ESF1: variants seen among roughly 807,000 people sequenced by gnomAD.
The protein encoded by ESF1 is ESF1 nucleolar pre-rRNA processing protein.
Under a neutral mutation model 92.0 loss-of-function variants are expected in ESF1, and 58 were observed. That is an observed-to-expected ratio of 0.63 (90% CI 0.51 to 0.78). ESF1 has a LOEUF of 0.78. ESF1 is among the 30% of genes least tolerant of loss of function. ESF1 has a pLI of 0.00. For missense variants in ESF1, 922 were observed against 989.1 expected (o/e 0.93, Z 0.91); for synonymous variants, 321 against 313.7 (o/e 1.02, Z -0.24).
At position 13,717,352 on chromosome 20, in the gene ESF1, T is replaced by C; in HGVS notation, c.2262+16A>G. On this transcript the variant is annotated intron_variant, in intron 13 of 13. Coordinates refer to ENST00000617257, the MANE Select transcript of ESF1 (RefSeq NM_001276380.2). ...AATTCCAGCTTTAAGAGGCTATGCC[T>C]GGTGTCTATGGTTACCTCAAAGTCA... is the stretch of plus-strand genomic sequence containing the variant. 3 of 1,613,218 alleles carry C rather than the reference T, an allele frequency of 1.9e-6. No individual in the cohort carries two copies. The highest frequency in any genetic ancestry group is 2.5e-6 in the Non-Finnish European group (3 of 1,179,508).
intron 9 of ESF1, among the ~76,000 whole-genome samples, chr20:13,751,322 A>C (rs1460400216): frequency 1.5e-4 from 23 of 152,246 alleles, no homozygotes; most frequent in Admixed American, 1.5e-3. Context: ...CTTCAAACAA[A>C]TCAGCATAGC....
In ESF1 at chr20:13,782,754, A is replaced by G. The variant is rs754201798; in HGVS notation, c.387T>C (p.Thr129=). The change falls in exon 2 of 14, where the codon ACT becomes ACC. Residue 129 remains threonine, a synonymous_variant. Coordinates refer to ENST00000617257, the MANE Select transcript of ESF1 (RefSeq NM_001276380.2). ...TAATTCCTATAGAATTATCTAAATC[A>G]GTTTTATTTTCAGAACCCTTGTGAT... The part of the protein sequence containing the change: ...KANHKGSENK[T]DLDNSIGIKK... 1.9e-6 allele frequency: 3 copies of G among 1,595,540 alleles called. No homozygotes were observed. In the African/African-American group the frequency reaches 4.1e-5, roughly 22 times the overall value.
At chr20:13,726,545 C>T (rs1166528580) in intron 11 of ESF1, among the ~76,000 whole-genome samples, 5 of 152,178 alleles carry the variant, frequency 3.3e-5, no homozygotes, top group African/African-American at 1.2e-4. Flanking sequence ...ATGTAAACTC[C>T]CATATCTCCT....
At chr20:13,743,846 C>T (rs2050030997) in intron 9 of ESF1, among the ~76,000 whole-genome samples, 1 of 152,128 alleles carries the variant, frequency 6.6e-6, no homozygotes, top group Admixed American at 6.5e-5. Context: ...AATCATTACA[C>T]AATGAATATG....
intron 11 of ESF1, among the ~76,000 whole-genome samples, chr20:13,727,659 A>G (rs1471072982): frequency 1.3e-5 from 2 of 152,132 alleles, no homozygotes; most frequent in Admixed American, 1.3e-4. Context: ...TACCAAACAC[A>G]TTTACACATA....
intron 2 of ESF1, among the ~76,000 whole-genome samples, chr20:13,778,544 T>G (rs939248256): frequency 5.9e-5 from 9 of 152,134 alleles, no homozygotes; most frequent in African/African-American, 2.2e-4. Flanking sequence ...ATAGGGTAAT[T>G]ACATTGTTTT....
At chr20:13,756,779 A>C (rs1257368738) in intron 9 of ESF1, among the ~76,000 whole-genome samples, 1 of 152,218 alleles carries the variant, frequency 6.6e-6, no homozygotes, top group Non-Finnish European at 1.5e-5. Flanking sequence ...GCTAGGCATC[A>C]GCTTCTCATT....
Position 13,714,857 on chromosome 20 carries a change from A to G in ESF1, c.*17T>C. The G allele has an allele frequency of 6.3e-7, 1 of 1,577,128 alleles. No individual in the cohort carries two copies. The highest frequency in any genetic ancestry group is 8.6e-7 in the Non-Finnish European group (1 of 1,164,798). On this transcript the variant is annotated 3_prime_UTR_variant, in exon 14 of 14. Coordinates refer to ENST00000617257, the MANE Select transcript of ESF1 (RefSeq NM_001276380.2). ...TTAGGAAAAGATGTATTCAGTTCAA[A>G]AATAAGTAACATCCAGTTATTTGAC...
chr20:13,763,489 T>C (rs149134510), intron 8 of ESF1, among the ~76,000 whole-genome samples: 9 of 152,348 alleles, frequency 5.9e-5, no homozygotes, highest in African/African-American at 1.7e-4. Context: ...TTCACAAGTG[T>C]ACATAAAAAG....
rs148771564 is a variant in ESF1, at chr20:13,744,370, T to C, written c.1829-10528A>G. 9.2e-5 allele frequency among the ~76,000 whole-genome samples: 14 copies of C among 152,334 alleles called. No individual in the cohort carries two copies. The East Asian group carries it at 2.3e-3, about 25-fold the overall frequency. On this transcript the variant is annotated intron_variant, in intron 9 of 13. Transcript: ENST00000617257. The stretch of plus-strand genomic sequence containing the variant: ...CAGAATCAATAAGACAAAGAATACA[T>C]GAATAGACATTCTACATATGAGGAA...
At chr20:13,757,807 T>C (rs1312879473) in intron 9 of ESF1, among the ~76,000 whole-genome samples, 1 of 152,232 alleles carries the variant, frequency 6.6e-6, no homozygotes, top group Non-Finnish European at 1.5e-5. Flanking sequence ...ATTTCTGAAA[T>C]ATTTGCTATA....
chr20:13,714,616 A>G lies in ESF1; in HGVS notation c.*258T>C. 1 of 287,998 alleles carries G rather than the reference A, an allele frequency of 3.5e-6. No individual in the cohort carries two copies. The highest frequency in any genetic ancestry group is 7.5e-5 in the South Asian group (1 of 13,358). The allele number at this position is 287,998 out of a possible 1,614,324, so 17.8% of individuals were successfully genotyped here. On this transcript the variant is annotated 3_prime_UTR_variant, in exon 14 of 14. Transcript: ENST00000617257. Reference sequence around the variant, plus strand: ...AACTTTCCACTAGTTAGAACTGAACATTGTAAAATATAAAAATTTTATAAA... The same window carrying G: ...AACTTTCCACTAGTTAGAACTGAACGTTGTAAAATATAAAAATTTTATAAA...
At chr20:13,748,202 C>T (rs558768768) in intron 9 of ESF1, among the ~76,000 whole-genome samples, 11 of 152,096 alleles carry the variant, frequency 7.2e-5, no homozygotes, top group East Asian at 5.8e-4. Flanking sequence ...ACAGAATCTA[C>T]AAAAAATCTG....
At chr20:13,771,909 ATT>A (rs1979700690) in intron 5 of ESF1, among the ~76,000 whole-genome samples, 1 of 114,376 alleles carries the variant, frequency 8.7e-6, no homozygotes. Flanking sequence ...ACTACAACAC[ATT>A]CTTTTTTTTT....
intron 2 of ESF1, among the ~76,000 whole-genome samples, chr20:13,777,775 G>A (rs546223389): frequency 6.9e-6 from 1 of 144,902 alleles, no homozygotes; most frequent in African/African-American, 2.6e-5. Context: ...TATATCTTAC[G>A]TGTTTTACTC....
At chr20:13,747,298 T>C (rs984551081) in intron 9 of ESF1, among the ~76,000 whole-genome samples, 1 of 148,558 alleles carries the variant, frequency 6.7e-6, no homozygotes, top group Non-Finnish European at 1.5e-5. Flanking sequence ...TGGTGGCTTA[T>C]GTCTGTAATC....
chr20:13,737,886 C>A (rs1483986181), intron 9 of ESF1, among the ~76,000 whole-genome samples: 2 of 152,130 alleles, frequency 1.3e-5, no homozygotes, highest in Non-Finnish European at 2.9e-5. Flanking sequence ...GAACTCCTGA[C>A]CTCAGGTGAT....
At chr20:13,758,604 T>A (rs1381660267) in intron 9 of ESF1, among the ~76,000 whole-genome samples, 1 of 152,208 alleles carries the variant, frequency 6.6e-6, no homozygotes. Flanking sequence ...ACGCTACTTA[T>A]AAAAATGGAA....
chr20:13,776,776 T>C (rs181103820), intron 2 of ESF1, among the ~76,000 whole-genome samples: 48 of 152,320 alleles, frequency 3.2e-4, no homozygotes, highest in Admixed American at 2.7e-3. Flanking sequence ...GAGCTGTTAC[T>C]TGAAGGATGA....
Sources: gnomAD v4.1 joint callset for allele counts (sites outside exome capture counted in the v4.1 genomes callset) on GRCh38, gnomAD v4.1.1 for gene constraint, MANE v1.5 for transcripts, NCBI Gene and HGNC (gene_info 2026-07-23, HGNC 2026-07-21) for gene names.